AGAP2: variants seen among roughly 807,000 people sequenced by gnomAD.
The protein encoded by AGAP2 is ArfGAP with GTPase domain, ankyrin repeat and PH domain 2.
In AGAP2, 32 loss-of-function variants were observed where a neutral mutation model predicts 110.9. That is an observed-to-expected ratio of 0.29 (90% confidence interval 0.22 to 0.39). The LOEUF is 0.39. Among genes scored for constraint, AGAP2 ranks in the 10% least tolerant of loss-of-function variants. The pLI is 1.00. For missense variants in AGAP2, 1,285 were observed against 1,638.5 expected, an observed-to-expected ratio of 0.78 and a Z score of 3.72; for synonymous variants, 702 against 713.0, an observed-to-expected ratio of 0.98 and a Z score of 0.25.
downstream of AGAP2, chr12:57,724,041 C>T (rs768539235): frequency 1.3e-5 from 2 of 152,600 alleles, no homozygotes; most frequent in Non-Finnish European, 2.9e-5. Flanking sequence ...TACCTCCCCC[C>T]TCTTGTCGCT....
Position 57,727,404 on chromosome 12 carries a change from T to C in AGAP2, c.3036A>G (p.Glu1012=). 1 of 1,613,384 alleles carries C rather than the reference T, an allele frequency of 6.2e-7. No homozygotes were observed. Among genetic ancestry groups the C allele is most frequent in the Non-Finnish European group, 8.5e-7 (1 of 1,179,852 alleles). Residue 1012 remains glutamate (E), a synonymous_variant, in exon 17 of 19, where the codon GAA becomes GAG. Transcript: ENST00000547588. ...GCTTGGCACGGCCTCGCGTGTCGCT[T>C]TCCCACACGCGGTTGGCCGTGTCGT... The part of the protein sequence containing the change: ...IGNDTANRVW[E]SDTRGRAKPS...
chr12:57,741,212 G>A (rs560107991), upstream of AGAP2, among the ~76,000 whole-genome samples: 82 of 152,276 alleles, frequency 5.4e-4, no homozygotes, highest in Admixed American at 9.2e-4. Context: ...AGGATGTGGC[G>A]GATGGTGTTG....
intron 5 of AGAP2, 102 bp downstream of exon 5, chr12:57,733,924 G>T: frequency 1.5e-6 from 2 of 1,361,066 alleles, no homozygotes; most frequent in Non-Finnish European, 9.8e-7. Flanking sequence ...AATCCAAGTG[G>T]CCATTTCCAC....
At chr12:57,734,538 A>G (rs1221146635) in intron 3 of AGAP2, 54 bp downstream of exon 3, 1 of 1,600,330 alleles carries the variant, frequency 6.2e-7, no homozygotes, top group Non-Finnish European at 8.6e-7. Context: ...CATTGATCTC[A>G]CTCCTGGATC....
upstream of AGAP2, among the ~76,000 whole-genome samples, chr12:57,740,383 T>A (rs1298681666): frequency 6.6e-6 from 1 of 152,158 alleles, no homozygotes; most frequent in Non-Finnish European, 1.5e-5. Flanking sequence ...TGTTTTTTGA[T>A]GGAGAGGGTG....
In AGAP2 at chr12:57,738,304, G is replaced by T. The variant is rs1391507932; in HGVS notation, c.-58C>A. 2.9e-6 allele frequency: 4 copies of T among 1,403,326 alleles called. No homozygotes were observed. In the East Asian group the frequency reaches 1.2e-4, roughly 43 times the overall value. The allele number at this position is 1,403,326 out of a possible 1,614,324, so 86.9% of individuals were successfully genotyped here. On this transcript the variant is annotated 5_prime_UTR_variant, in exon 1 of 19. Transcript: ENST00000547588. The surrounding 1 kb of genome is among the most constrained non-coding windows in gnomAD (Gnocchi z 6.7). ...GGGGACTCCCCCGGACTGCCTCAGGGGGGCCCGGCCATGGGGCCGCCCTGC... is the reference window on the plus strand; with the variant it reads ...GGGGACTCCCCCGGACTGCCTCAGGTGGGCCCGGCCATGGGGCCGCCCTGC...
chr12:57,737,586 C>G lies in AGAP2; in HGVS notation c.661G>C (p.Val221Leu). 1 of 1,548,470 alleles carries G rather than the reference C, an allele frequency of 6.5e-7. No individual in the cohort carries two copies. Residue 221 changes from valine to leucine, a missense_variant, in exon 1 of 19, where the codon GTC becomes CTC. Physicochemically the swap from Val to Leu is conservative, Grantham distance 32 (BLOSUM62 1). Coordinates refer to ENST00000547588, the MANE Select transcript of AGAP2 (RefSeq NM_001122772.3). The surrounding 1 kb of genome is among the most constrained non-coding windows in gnomAD (Gnocchi z 5.9). ...SWPESEGKPRVKGSKSSAGTG... is the reference protein window; with the variant it reads ...SWPESEGKPRLKGSKSSAGTG... Reference sequence around the variant, plus strand: ...CCGGCGCTGCTCTTTGACCCCTTGACCCTGGGCTTGCCCTCGCTTTCGGGC... The same window carrying G: ...CCGGCGCTGCTCTTTGACCCCTTGAGCCTGGGCTTGCCCTCGCTTTCGGGC...
rs1438547158 is a variant in AGAP2, at chr12:57,730,830, C to T, written c.2269G>A (p.Val757Ile). The T allele has an allele frequency of 4.0e-5, 65 of 1,613,914 alleles. No individual in the cohort carries two copies. Among genetic ancestry groups the T allele is most frequent in the Non-Finnish European group, 4.7e-5 (55 of 1,180,036 alleles). Reference protein sequence around the residue: ...FGPSASINGLVKDMSTVQMGE... With the variant: ...FGPSASINGLIKDMSTVQMGE... Reference sequence around the variant, plus strand: ...ATCTGGACAGTGCTCATGTCCTTGACGAGCCCGTTAATGCTGGCTGAGGGG... The same window carrying T: ...ATCTGGACAGTGCTCATGTCCTTGATGAGCCCGTTAATGCTGGCTGAGGGG... The change falls in exon 11 of 19, where the codon GTC becomes ATC. Residue 757 changes from valine to isoleucine, a missense_variant. By Grantham distance (29) the Val-to-Ile change is conservative (BLOSUM62 3). This residue lies in a region of AGAP2 where 135 missense variants were observed against 182.0 expected (regional missense o/e 0.74). Transcript: ENST00000547588.
At chr12:57,739,526 G>A (rs1370040949), upstream of AGAP2, among the ~76,000 whole-genome samples, 1 of 152,172 alleles carries the variant, frequency 6.6e-6, no homozygotes, top group Non-Finnish European at 1.5e-5. Flanking sequence ...AGGAGCCCAG[G>A]CCACAGGGTA....
chr12:57,726,986 T>C lies in AGAP2; in HGVS notation c.3324A>G (p.Gln1108=), dbSNP rs547385213. The change falls in exon 18 of 19, where the codon CAA becomes CAG. Residue 1108 remains glutamine, a synonymous_variant. Coordinates refer to ENST00000547588, the MANE Select transcript of AGAP2 (RefSeq NM_001122772.3). The surrounding 1 kb of genome is among the most constrained non-coding windows in gnomAD (Gnocchi z 5.7). ...AAELAHVVIT[Q]LLLWYGADVA... Reference sequence around the variant, plus strand: ...CCAGCTCACGTACCCACAGCAGCAGTTGCGTGATGACGACGTGGGCGAGCT... The same window carrying C: ...CCAGCTCACGTACCCACAGCAGCAGCTGCGTGATGACGACGTGGGCGAGCT... 1 of 1,592,298 alleles carries C rather than the reference T, an allele frequency of 6.3e-7. No homozygotes were observed. Among genetic ancestry groups the C allele is most frequent in the South Asian group, 1.1e-5 (1 of 89,566 alleles).
intron 12 of AGAP2, among the ~76,000 whole-genome samples, 164 bp from the exon 13 acceptor site, chr12:57,729,931 G>A (rs528967034): frequency 6.6e-6 from 1 of 152,158 alleles, no homozygotes; most frequent in Non-Finnish European, 1.5e-5. Flanking sequence ...GATGCAGGGA[G>A]ATGAGAGGTT....
chr12:57,726,398 A>G lies in AGAP2; in HGVS notation c.*154T>C. On this transcript the variant is annotated 3_prime_UTR_variant, in exon 19 of 19. Coordinates refer to ENST00000547588, the MANE Select transcript of AGAP2 (RefSeq NM_001122772.3). This position sits in a 1 kb window ranked among gnomAD's most constrained non-coding sequence, Gnocchi z 5.7. ...AGGGAGGTGAGTTTGTGTCTTCTGG[A>G]AGGCGTGGGGGCTGTGCCCTCGTGG... The G allele has an allele frequency of 1.4e-6, 1 of 693,318 alleles. No homozygotes were observed. The highest frequency in any genetic ancestry group is 5.2e-5 in the East Asian group (1 of 19,096). The allele number at this position is 693,318 out of a possible 1,614,324, so 42.9% of individuals were successfully genotyped here.
intron 5 of AGAP2, among the ~76,000 whole-genome samples, 158 bp downstream of exon 5, chr12:57,733,868 A>G (rs1954929862): frequency 1.3e-5 from 2 of 152,160 alleles, no homozygotes; most frequent in African/African-American, 2.4e-5. Flanking sequence ...GTTTGGTTTC[A>G]TGACTCCCTT....
In AGAP2 at chr12:57,738,208, C is replaced by T. The variant is rs1411985052; in HGVS notation, c.39G>A (p.Thr13=). ...RGAGALQRRT[T]TYLISLTLVK... The stretch of plus-strand genomic sequence containing the variant: ...CCAGGGTCAGCGAGATGAGGTAGGT[C>T]GTTGTCCGGCGCTGAAGCGCGCCCG... Residue 13 remains threonine (T), a synonymous_variant, in exon 1 of 19, where the codon ACG becomes ACA. Transcript: ENST00000547588. This position sits in a 1 kb window ranked among gnomAD's most constrained non-coding sequence, Gnocchi z 6.7. The T allele has an allele frequency of 1.3e-6, 2 of 1,524,414 alleles. No individual in the cohort carries two copies. Among genetic ancestry groups the T allele is most frequent in the South Asian group, 2.4e-5 (2 of 83,784 alleles). The allele number at this position is 1,524,414 out of a possible 1,614,324, so 94.4% of individuals were successfully genotyped here. A position where few individuals can be genotyped will look rare whatever the true frequency, so the allele number is the denominator to read the frequency against.
chr12:57,741,876 T>C (rs238530), upstream of AGAP2: 1,596,795 of 1,599,696 alleles, frequency 1, 796,987 homozygotes, highest in East Asian at 1. Context: ...TGCTAGTCCC[T>C]GATACACCCA....
chr12:57,736,148 GCAGCTGCGGC>G (rs1360608531), intron 1 of AGAP2, among the ~76,000 whole-genome samples: 5 of 151,572 alleles, frequency 3.3e-5, no homozygotes, highest in Non-Finnish European at 7.4e-5. Context: ...CCGGGGCGCC[GCAGCTGCGGC>G]GGGAACTCTG....
At position 57,725,612 on chromosome 12, in the gene AGAP2, C is replaced by G. The variant is rs1448912651; in HGVS notation, c.*940G>C. The G allele has an allele frequency of 1.3e-5, 2 of 152,150 alleles. No individual in the cohort carries two copies. The highest frequency in any genetic ancestry group is 2.9e-5 in the Non-Finnish European group (2 of 68,086). The allele number at this position is 152,150 out of a possible 1,614,324, so 9.4% of individuals were successfully genotyped here. The stretch of plus-strand genomic sequence containing the variant: ...GGGGAGGGGTCCCACTGTAGGGGTG[C>G]CCCCTACCCCAGATCACCACGGGCG... On this transcript the variant is annotated 3_prime_UTR_variant, in exon 19 of 19. Transcript: ENST00000547588.
In AGAP2 at chr12:57,727,147, CCAGCGGCTCCTCCGAGGTGCT is replaced by C. The variant is rs1304300913; in HGVS notation, c.3142_3162del (p.Ser1048_Leu1054del). ...TGCACGGCGGCCCACAGCTGGCGGC[CCAGCGGCTCCTCCGAGGTGCT>C]CAGCGGCGCCAGGAACAGTAGCTGC... On this transcript the variant is annotated inframe_deletion, in exon 18 of 19. Coordinates refer to ENST00000547588, the MANE Select transcript of AGAP2 (RefSeq NM_001122772.3). The C allele has an allele frequency of 6.2e-7, 1 of 1,604,852 alleles. No individual in the cohort carries two copies. Among genetic ancestry groups the C allele is most frequent in the Non-Finnish European group, 8.5e-7 (1 of 1,176,886 alleles).
chr12:57,731,093 GGGCCCATCAGACTT>G (rs1954876637), intron 10 of AGAP2, 140 bp from the exon 11 acceptor site: 1 of 958,612 alleles, frequency 1.0e-6, no homozygotes, highest in East Asian at 2.6e-5. Context: ...TCTAGGGGAT[GGGCCCATCAGACTT>G]GGCCCAGCAA....
Sources: allele counts gnomAD v4.1 joint callset (sites outside exome capture counted in the v4.1 genomes callset), GRCh38; gene constraint gnomAD v4.1.1; regional missense constraint gnomAD v4.1.1; non-coding constraint Gnocchi (gnomAD v3.1); transcripts MANE v1.5; gene names NCBI Gene and HGNC (gene_info 2026-07-23, HGNC 2026-07-21).